USP6: variants seen among roughly 807,000 people sequenced by gnomAD.
USP6 encodes ubiquitin carboxyl-terminal hydrolase 6.
USP6 carries 128 observed loss-of-function variants against 175.7 expected under a neutral mutation model. That is an observed-to-expected ratio of 0.73 (90% CI 0.63 to 0.84). The LOEUF (loss-of-function observed/expected upper bound fraction) is 0.84, where lower values mean the gene tolerates loss of function less well. Among genes scored for constraint, USP6 ranks in the 40% least tolerant of loss-of-function variants. The pLI is 0.00. For synonymous variants in USP6, 562 were observed against 630.6 expected, an observed-to-expected ratio of 0.89 and a Z score of 1.63; for missense variants, 1,498 against 1,760.3, an observed-to-expected ratio of 0.85 and a Z score of 2.67.
At chr17:5,137,041 A>G in intron 18 of USP6, 80 bp from the exon 19 acceptor site, 4 of 1,459,930 alleles carry the variant, frequency 2.7e-6, no homozygotes, top group Non-Finnish European at 2.9e-6. Context: ...GCACTAGGGG[A>G]AAGGTCTTCA....
chr17:5,150,079 G>A (rs1190682257), intron 30 of USP6, among the ~76,000 whole-genome samples: 1 of 152,080 alleles, frequency 6.6e-6, no homozygotes, highest in African/African-American at 2.4e-5. Context: ...GGATCATGAG[G>A]TCAAGAGTTT....
At chr17:5,137,244 C>T in intron 19 of USP6, 58 bp downstream of exon 19, 1 of 1,594,580 alleles carries the variant, frequency 6.3e-7, no homozygotes, top group Non-Finnish European at 8.6e-7. Context: ...CAGTGCCGTG[C>T]TTCCCCAGCC....
At position 5,173,221 on chromosome 17, in the gene USP6, G is replaced by A. The variant is rs766926432; in HGVS notation, c.*243G>A. 26 of 477,728 alleles carry A rather than the reference G, an allele frequency of 5.4e-5. No homozygotes were observed. The highest frequency in any genetic ancestry group is 8.4e-5 in the Non-Finnish European group (23 of 273,632). 29.6% of individuals were successfully genotyped at this position (477,728 alleles called of 1,614,324 possible). On this transcript the variant is annotated 3_prime_UTR_variant, in exon 38 of 38. Coordinates refer to ENST00000574788, the MANE Select transcript of USP6 (RefSeq NM_001304284.2). ...CCATTAGCCTGTAAACAAAAGGTGTGGCACCAGCCACCTGGGACCAAATAA... is the reference window on the plus strand; with the variant it reads ...CCATTAGCCTGTAAACAAAAGGTGTAGCACCAGCCACCTGGGACCAAATAA...
At position 5,174,379 on chromosome 17, in the gene USP6, T is replaced by C. The variant is rs1432549708; in HGVS notation, c.*1401T>C. The C allele has an allele frequency of 1.0e-5, 2 of 190,860 alleles. No individual in the cohort carries two copies. The highest frequency in any genetic ancestry group is 4.7e-5 in the African/African-American group (2 of 42,984). 11.8% of individuals were successfully genotyped at this position (190,860 alleles called of 1,614,324 possible). A position where few individuals can be genotyped will look rare whatever the true frequency, so the allele number is the denominator to read the frequency against. On this transcript the variant is annotated 3_prime_UTR_variant, in exon 38 of 38. Transcript: ENST00000574788. ...CCCTTTCTTCCTCATAGGTAGTAATTACCAATGTAACTAAGCATTTGTGTT... is the reference window on the plus strand; with the variant it reads ...CCCTTTCTTCCTCATAGGTAGTAATCACCAATGTAACTAAGCATTTGTGTT...
At chr17:5,167,234 C>T (rs1443663936) in intron 33 of USP6, among the ~76,000 whole-genome samples, 2 of 152,186 alleles carry the variant, frequency 1.3e-5, no homozygotes, top group South Asian at 4.1e-4. Context: ...GTAAACTCTG[C>T]AGCATACTAA....
In USP6 at chr17:5,120,786, ATGGT is replaced by A; in HGVS notation, c.-1676_-1675+2del. The A allele has an allele frequency of 2.2e-6, 1 of 448,930 alleles. No homozygotes were observed. Among genetic ancestry groups the A allele is most frequent in the Non-Finnish European group, 4.5e-6 (1 of 223,724 alleles). 27.8% of individuals were successfully genotyped at this position (448,930 alleles called of 1,614,324 possible). ...GGATGCCAAGGGCTGTTTCTTCAGC[ATGGT>A]GGGTGGCCATATGTAAGCAGGTGTG... On this transcript the variant is annotated splice_donor_variant and 5_prime_UTR_variant, in exon 3 of 38. Transcript: ENST00000574788. LOFTEE classifies it low-confidence loss of function (5UTR_SPLICE).
rs1170149642 is a variant in USP6 at position 5,146,036 on chromosome 17, T to C, written c.2181T>C (p.Asp727=). Residue 727 remains aspartate (D), a synonymous_variant, in exon 28 of 38, where the codon GAT becomes GAC. Coordinates refer to ENST00000574788, the MANE Select transcript of USP6 (RefSeq NM_001304284.2). ...MDLEITVIKL[D]GTTPVRYGLR... The stretch of plus-strand genomic sequence containing the variant: ...TCTCTTTACTAGTGATTAAGTTAGA[T>C]GGTACTACCCCTGTACGGTATGGAC... The C allele has an allele frequency of 1.3e-6, 2 of 1,581,194 alleles. No homozygotes were observed. Among genetic ancestry groups the C allele is most frequent in the Non-Finnish European group, 1.7e-6 (2 of 1,165,750 alleles).
At chr17:5,148,891 T>G (rs983161932) in intron 30 of USP6, 124 bp downstream of exon 30, 3 of 1,434,430 alleles carry the variant, frequency 2.1e-6, no homozygotes, top group African/African-American at 1.4e-5. Context: ...TTTTAAAAAT[T>G]TAATACTTTT....
In USP6 at chr17:5,135,799, C is replaced by G. The variant is rs777999285; in HGVS notation, c.544-9C>G. On this transcript the variant is annotated splice_polypyrimidine_tract_variant and intron_variant, in intron 16 of 37. Transcript: ENST00000574788. ...TGATGTCCTTCCATGGTGACTCTGG[C>G]TCTTGCAGGAGGTGGGCTACTGCAG... 1 of 1,597,644 alleles carries G rather than the reference C, an allele frequency of 6.3e-7. No individual in the cohort carries two copies. Among genetic ancestry groups the G allele is most frequent in the Non-Finnish European group, 8.5e-7 (1 of 1,179,714 alleles).
rs192081053 is a variant in USP6, at chr17:5,147,515, C to G, written c.2431+321C>G. 8.6e-3 allele frequency among the ~76,000 whole-genome samples: 1,312 copies of G among 152,226 alleles called. 12 individuals carry two copies. Among genetic ancestry groups the G allele is most frequent in the Middle Eastern group, 0.017 (5 of 294 alleles). ...CAGAAAATATAAACAATAGATATAGCTAGAAAGAAATCCAATATTATATGT... is the reference window on the plus strand; with the variant it reads ...CAGAAAATATAAACAATAGATATAGGTAGAAAGAAATCCAATATTATATGT... On this transcript the variant is annotated intron_variant, in intron 29 of 37. Coordinates refer to ENST00000574788, the MANE Select transcript of USP6 (RefSeq NM_001304284.2).
In USP6 at chr17:5,173,661, C is replaced by G. The variant is rs2074270562; in HGVS notation, c.*683C>G. On this transcript the variant is annotated 3_prime_UTR_variant, in exon 38 of 38. Transcript: ENST00000574788. Reference sequence around the variant, plus strand: ...TATGTGCCTTCCAACCAGAGGGAGACCCAGTAGAAAGAAAAACATCCTGGG... The same window carrying G: ...TATGTGCCTTCCAACCAGAGGGAGAGCCAGTAGAAAGAAAAACATCCTGGG... The G allele has an allele frequency of 4.6e-6, 1 of 218,654 alleles. No homozygotes were observed. 13.5% of individuals were successfully genotyped at this position (218,654 alleles called of 1,614,324 possible).
intron 29 of USP6, among the ~76,000 whole-genome samples, chr17:5,148,210 AGGTTACTGTATT>A (rs146905122): frequency 0.14 from 21,446 of 152,202 alleles, 1,801 homozygotes; most frequent in Non-Finnish European, 0.19. Context: ...ATCTGGGTAG[AGGTTACTGTATT>A]GGACGGTGTC....
chr17:5,146,946 T>A (rs2073628618), intron 28 of USP6, 137 bp from the exon 29 acceptor site: 4 of 886,742 alleles, frequency 4.5e-6, no homozygotes, highest in Non-Finnish European at 6.7e-6. Context: ...CTTTATGTAG[T>A]TGAAAAATTA....
At position 5,141,459 on chromosome 17, in the gene USP6, G is replaced by A; in HGVS notation, c.1533G>A (p.Met511Ile). Residue 511 changes from methionine to isoleucine, a missense_variant, in exon 23 of 38, where the codon ATG becomes ATA. Coordinates refer to ENST00000574788, the MANE Select transcript of USP6 (RefSeq NM_001304284.2). Reference sequence around the variant, plus strand: ...AAGATATGAGTTGGCCTGAGGAGATGTCTTTTACAGCAAATAGTAGTAAAA... The same window carrying A: ...AAGATATGAGTTGGCCTGAGGAGATATCTTTTACAGCAAATAGTAGTAAAA... ...HNKDMSWPEE[M>I]SFTANSSKID... The A allele has an allele frequency of 1.9e-6, 3 of 1,608,938 alleles. No individual in the cohort carries two copies. Among genetic ancestry groups the A allele is most frequent in the Non-Finnish European group, 2.5e-6 (3 of 1,178,050 alleles).
rs905411249 is a variant in USP6, at chr17:5,174,434, T to A, written c.*1456T>A. The A allele has an allele frequency of 1.0e-5, 2 of 191,148 alleles. No homozygotes were observed. The highest frequency in any genetic ancestry group is 4.6e-5 in the African/African-American group (2 of 43,032). The allele number at this position is 191,148 out of a possible 1,614,324, so 11.8% of individuals were successfully genotyped here. A position where few individuals can be genotyped will look rare whatever the true frequency, so the allele number is the denominator to read the frequency against. The stretch of plus-strand genomic sequence containing the variant: ...TATCTGAGGCCAGTAACTATTAATA[T>A]CTAGTTCTCAGAGCATTTGGAAAGG... On this transcript the variant is annotated 3_prime_UTR_variant, in exon 38 of 38. Coordinates refer to ENST00000574788, the MANE Select transcript of USP6 (RefSeq NM_001304284.2).
In USP6 at chr17:5,127,572, CAGCAG is replaced by C. The variant is rs1434250362; in HGVS notation, c.-404_-400del. The stretch of plus-strand genomic sequence containing the variant: ...ATGGATGAATGGATGGATGAATGGA[CAGCAG>C]TCCAGGGAGATGTCCCTGTGTGTCC... On this transcript the variant is annotated 5_prime_UTR_variant, in exon 7 of 38. An upstream open reading frame in the 5' UTR gains an earlier in-frame stop. Coordinates refer to ENST00000574788, the MANE Select transcript of USP6 (RefSeq NM_001304284.2). 30 of 152,256 alleles carry C rather than the reference CAGCAG, an allele frequency of 2.0e-4. No homozygotes were observed. The highest frequency in any genetic ancestry group is 2.6e-4 in the Non-Finnish European group (18 of 68,080). 9.4% of individuals were successfully genotyped at this position (152,256 alleles called of 1,614,324 possible). A position where few individuals can be genotyped will look rare whatever the true frequency, so the allele number is the denominator to read the frequency against.
chr17:5,118,068 CAA>C (rs57176092), intron 1 of USP6, 130 bp from the exon 2 acceptor site: 11 of 109,046 alleles, frequency 1.0e-4, no homozygotes, highest in Admixed American at 9.7e-5. Flanking sequence ...GACTCCGTCT[CAA>C]AAAAAAAAAA....
Position 5,116,640 on chromosome 17 carries a change from G to A in USP6, c.-2028G>A, listed in dbSNP as rs2072545825. 1 of 152,278 alleles carries A rather than the reference G, an allele frequency of 6.6e-6. No homozygotes were observed. The highest frequency in any genetic ancestry group is 2.4e-5 in the African/African-American group (1 of 41,462). 9.4% of individuals were successfully genotyped at this position (152,278 alleles called of 1,614,324 possible). A position where few individuals can be genotyped will look rare whatever the true frequency, so the allele number is the denominator to read the frequency against. On this transcript the variant is annotated 5_prime_UTR_variant, in exon 1 of 38. Coordinates refer to ENST00000574788, the MANE Select transcript of USP6 (RefSeq NM_001304284.2). ...TCAGGAAAGGCGGGCAGATACGTGA[G>A]GCCTGAACAGGAAGGAACTGGGAGA...
In USP6 at chr17:5,116,207, C is replaced by T. The variant is rs1244934966; in HGVS notation, c.-2461C>T. On this transcript the variant is annotated 5_prime_UTR_variant, in exon 1 of 38. Transcript: ENST00000574788. ...AGCAGTCAGGAGGGGCCGCGGGCAG[C>T]GCTCGAGACGCTCATTGAGAGGACT... Among the ~76,000 whole-genome samples the T allele has an allele frequency of 2.0e-5, 3 of 152,336 alleles. No individual in the cohort carries two copies. The East Asian group carries it at 5.8e-4, about 29-fold the overall frequency.
Sources: gnomAD v4.1 joint callset for allele counts (sites outside exome capture counted in the v4.1 genomes callset) on GRCh38, gnomAD v4.1.1 for gene constraint, MANE v1.5 for transcripts, NCBI Gene and HGNC (gene_info 2026-07-23, HGNC 2026-07-21) for gene names.